The following CBLN2 variants were observed in gnomAD, a reference collection of about 807,000 sequenced individuals.
The protein encoded by CBLN2 is cerebellin 2 precursor, also known as cerebellin-2.
Under a neutral mutation model 15.0 loss-of-function variants are expected in CBLN2, and 7 were observed. The observed-to-expected ratio is 0.47, with a 90% confidence interval of 0.27 to 0.88. The LOEUF is 0.88. Ranked by LOEUF, CBLN2 falls within the 40% of genes least tolerant of loss-of-function variation. The pLI, the probability that CBLN2 is intolerant of heterozygous loss-of-function variation, is 0.14. For synonymous variants in CBLN2, 149 were observed against 135.2 expected (o/e 1.10, Z -0.71); for missense variants, 242 against 304.5 (o/e 0.79, Z 1.53).
chr18:72,625,292 C>T (rs1370933902), intron 1 of CBLN2: 1 of 151,926 alleles, frequency 6.6e-6, no homozygotes, highest in Non-Finnish European at 1.5e-5. Flanking sequence ...TGTCTTTGTC[C>T]AGTTAACTCT....
chr18:72,628,640 G>A (rs560263145), intron 1 of CBLN2, among the ~76,000 whole-genome samples: 11 of 152,318 alleles, frequency 7.2e-5, no homozygotes, highest in African/African-American at 2.2e-4. Flanking sequence ...CATGTCAACA[G>A]CACTTGAGTC....
chr18:72,549,631 A>T (rs2144879908), intron 1 of CBLN2, among the ~76,000 whole-genome samples: 1 of 152,244 alleles, frequency 6.6e-6, no homozygotes, highest in Non-Finnish European at 1.5e-5. Context: ...CTATACAATT[A>T]TTCCAAAAAG....
chr18:72,619,444 G>A (rs1331673222), intron 1 of CBLN2, among the ~76,000 whole-genome samples: 3 of 152,178 alleles, frequency 2.0e-5, no homozygotes, highest in South Asian at 2.1e-4. Flanking sequence ...TTTCTGTTCC[G>A]TGGAAAGTAC....
At position 72,542,151 on chromosome 18, in the gene CBLN2, G is replaced by T; in HGVS notation, c.10C>A (p.Pro4Thr). The change falls in exon 3 of 5, where the codon CCC becomes ACC. Residue 4 changes from proline (P) to threonine (T), a missense_variant. Pro to Thr is a conservative substitution (Grantham distance 38, BLOSUM62 -1). Around this residue, in one of 4 missense-constraint regions of CBLN2, gnomAD observed 96 missense variants for 83.8 expected, o/e 1.15. Coordinates refer to ENST00000269503, the MANE Select transcript of CBLN2 (RefSeq NM_182511.4). ...CGCAGCCCGAGTGGCCCCCGGCCGG[G>T]CGCCTGCATCGGGACTGGTGGGAGG... is the stretch of plus-strand genomic sequence containing the variant. MQAPGRGPLGLRLM... is the reference protein window; with the variant it reads MQATGRGPLGLRLM... 7.6e-7 allele frequency: 1 copy of T among 1,311,490 alleles called. No homozygotes were observed. The highest frequency in any genetic ancestry group is 2.2e-5 in the South Asian group (1 of 45,436). 81.2% of individuals were successfully genotyped at this position (1,311,490 alleles called of 1,614,324 possible).
rs368831135 is a variant in CBLN2, at chr18:72,630,564, C to CAGAGAGAGAGAGAG, written c.15+7747_15+7760dup. 7.0e-3 allele frequency among the ~76,000 whole-genome samples: 946 copies of CAGAGAGAGAGAGAG among 135,522 alleles called. 20 individuals are homozygous for CAGAGAGAGAGAGAG. Among genetic ancestry groups the CAGAGAGAGAGAGAG allele is most frequent in the African/African-American group, 0.025 (848 of 33,582 alleles). 88.9% of individuals were successfully genotyped at this position (135,522 alleles called of 152,430 possible). A position where few individuals can be genotyped will look rare whatever the true frequency, so the allele number is the denominator to read the frequency against. On this transcript the variant is annotated intron_variant, in intron 1 of 2. Coordinates refer to the CBLN2 transcript ENST00000581073. ...CCTCCCCCCCACACACACACACATG[C>CAGAGAGAGAGAGAG]AGAGAGAGAGAGAGAGAGAGAGAGG...
intron 1 of CBLN2, among the ~76,000 whole-genome samples, chr18:72,625,818 C>CTATATATATA (rs56391046): frequency 4.9e-4 from 28 of 57,376 alleles, no homozygotes; most frequent in Admixed American, 1.2e-3. Context: ...CTCTCTCTCT[C>CTATATATATA]TATATATATA....
intron 1 of CBLN2, among the ~76,000 whole-genome samples, chr18:72,571,653 G>A (rs976030638): frequency 5.3e-5 from 8 of 152,182 alleles, no homozygotes; most frequent in Non-Finnish European, 1.2e-4. Context: ...ACCACTGTCC[G>A]TGGCGATTCA....
chr18:72,559,316 T>G (rs999299596), intron 1 of CBLN2, among the ~76,000 whole-genome samples: 21 of 152,186 alleles, frequency 1.4e-4, no homozygotes, highest in African/African-American at 5.1e-4. Context: ...GAACAATTTC[T>G]CTGTAGCTGT....
chr18:72,604,026 T>A (rs890094955), intron 1 of CBLN2, among the ~76,000 whole-genome samples: 1 of 152,166 alleles, frequency 6.6e-6, no homozygotes, highest in Non-Finnish European at 1.5e-5. Flanking sequence ...TCAACTTGCG[T>A]CCAGCACCGA....
At chr18:72,626,470 T>C (rs617972) in intron 1 of CBLN2, among the ~76,000 whole-genome samples, 146,701 of 152,148 alleles carry the variant, frequency 0.96, 70,893 homozygotes, top group Non-Finnish European at 1. Context: ...GAAGTTGAGG[T>C]GGGTAGATCA....
At chr18:72,595,724 T>A (rs1353562495) in intron 1 of CBLN2, among the ~76,000 whole-genome samples, 2 of 152,194 alleles carry the variant, frequency 1.3e-5, no homozygotes, top group Non-Finnish European at 2.9e-5. Context: ...CATATATATT[T>A]ACAATTGTAA....
chr18:72,593,271 T>C (rs1344749726), intron 1 of CBLN2, among the ~76,000 whole-genome samples: 1 of 152,154 alleles, frequency 6.6e-6, no homozygotes, highest in Non-Finnish European at 1.5e-5. Context: ...TTTGTAGCTA[T>C]TATAAATGGG....
At chr18:72,560,680 A>G (rs2069254356) in intron 1 of CBLN2, among the ~76,000 whole-genome samples, 1 of 152,212 alleles carries the variant, frequency 6.6e-6, no homozygotes, top group Admixed American at 6.5e-5. Context: ...TGATACATAC[A>G]TAGATTCCAA....
At chr18:72,598,321 G>A (rs1440461191) in intron 1 of CBLN2, among the ~76,000 whole-genome samples, 1 of 152,198 alleles carries the variant, frequency 6.6e-6, no homozygotes, top group Non-Finnish European at 1.5e-5. Context: ...TCTGGCCCAG[G>A]TTGTGTCTAG....
At chr18:72,607,908 C>T (rs937805073) in intron 1 of CBLN2, among the ~76,000 whole-genome samples, 2 of 152,140 alleles carry the variant, frequency 1.3e-5, no homozygotes, top group African/African-American at 4.8e-5. Context: ...CAGCAGTAGT[C>T]TAATCAGTAC....
intron 1 of CBLN2, among the ~76,000 whole-genome samples, chr18:72,628,116 G>A (rs988804680): frequency 6.6e-6 from 1 of 152,206 alleles, no homozygotes; most frequent in African/African-American, 2.4e-5. Flanking sequence ...CATGCAATCA[G>A]TCTCATCACA....
chr18:72,598,256 C>T (rs1439524890), intron 1 of CBLN2, among the ~76,000 whole-genome samples: 7 of 152,182 alleles, frequency 4.6e-5, no homozygotes, highest in African/African-American at 1.4e-4. Context: ...CTTTAGTCAG[C>T]AGGTGATGAA....
chr18:72,604,775 C>G (rs1275484472), intron 1 of CBLN2, among the ~76,000 whole-genome samples: 1 of 152,234 alleles, frequency 6.6e-6, no homozygotes, highest in Non-Finnish European at 1.5e-5. Flanking sequence ...CTGCAGAGTT[C>G]TAAGGCCCTC....
At chr18:72,571,613 T>C (rs891759958) in intron 1 of CBLN2, among the ~76,000 whole-genome samples, 1 of 152,234 alleles carries the variant, frequency 6.6e-6, no homozygotes, top group Non-Finnish European at 1.5e-5. Flanking sequence ...TTAATTCTGA[T>C]GTGAACAGGC....
Sources: allele counts gnomAD v4.1 joint callset (sites outside exome capture counted in the v4.1 genomes callset), GRCh38; gene constraint gnomAD v4.1.1; regional missense constraint gnomAD v4.1.1; transcripts MANE v1.5; gene names NCBI Gene and HGNC (gene_info 2026-07-23, HGNC 2026-07-21).